The following TMEM38B variants were observed in gnomAD, a reference collection of about 807,000 sequenced individuals.
TMEM38B encodes trimeric intracellular cation channel type B.
TMEM38B carries 24 observed loss-of-function variants against 28.7 expected under a neutral mutation model. The ratio of observed to expected loss-of-function variants is 0.84; its 90% CI spans 0.61 to 1.18. The LOEUF (loss-of-function observed/expected upper bound fraction) is 1.18, where lower values mean the gene tolerates loss of function less well. TMEM38B is among the 50% of genes most tolerant of loss of function. TMEM38B has a pLI of 0.00. For missense variants in TMEM38B, 380 were observed against 350.9 expected, an observed-to-expected ratio of 1.08 and a Z score of -0.66; for synonymous variants, 131 against 127.7, an observed-to-expected ratio of 1.03 and a Z score of -0.17.
intron 2 of TMEM38B, among the ~76,000 whole-genome samples, chr9:105,718,961 G>A (rs1836216729): frequency 2.0e-5 from 3 of 152,138 alleles, no homozygotes; most frequent in Admixed American, 1.3e-4. Flanking sequence ...AGTGATAAGA[G>A]CAAGAACAAA....
At chr9:105,738,440 C>T in intron 4 of TMEM38B, among the ~76,000 whole-genome samples, 1 of 152,064 alleles carries the variant, frequency 6.6e-6, no homozygotes, top group East Asian at 1.9e-4. Flanking sequence ...TACTCCTTTG[C>T]TGCATTCTGG....
intron 5 of TMEM38B, chr9:105,760,060 G>T: frequency 8.9e-7 from 1 of 1,128,634 alleles, no homozygotes; most frequent in Non-Finnish European, 1.3e-6. Context: ...AGCTTCTTCT[G>T]TGTTGACTGG....
intron 2 of TMEM38B, among the ~76,000 whole-genome samples, chr9:105,718,478 T>A (rs1836195356): frequency 6.6e-6 from 1 of 152,190 alleles, no homozygotes; most frequent in African/African-American, 2.4e-5. Context: ...CACCTCGTGA[T>A]CCTCCCGCCT....
intron 2 of TMEM38B, among the ~76,000 whole-genome samples, chr9:105,705,985 C>T (rs1263617347): frequency 1.3e-5 from 2 of 151,260 alleles, no homozygotes; most frequent in Non-Finnish European, 2.9e-5. Flanking sequence ...ACTGCAACCT[C>T]CACCTCCTGG....
At chr9:105,746,305 TG>T (rs1837391079) in intron 4 of TMEM38B, among the ~76,000 whole-genome samples, 1 of 152,146 alleles carries the variant, frequency 6.6e-6, no homozygotes, top group African/African-American at 2.4e-5. Context: ...CCCTTATAAG[TG>T]GGATTCCTAG....
intron 4 of TMEM38B, among the ~76,000 whole-genome samples, chr9:105,741,183 C>T (rs1203072048): frequency 1.3e-5 from 2 of 152,214 alleles, no homozygotes; most frequent in Admixed American, 6.5e-5. Context: ...TTCTCTCCTA[C>T]TGACGCTGAT....
In TMEM38B at chr9:105,722,585, G is replaced by A; in HGVS notation, c.506G>A (p.Trp169Ter). 6.2e-7 allele frequency: 1 copy of A among 1,613,684 alleles called. No homozygotes were observed. The highest frequency in any genetic ancestry group is 1.3e-5 in the African/African-American group (1 of 75,008). Residue 169 changes from tryptophan to a stop codon, truncating the protein, a stop_gained, in exon 4 of 6, where the codon TGG becomes TAG. Transcript: ENST00000374692. LOFTEE classifies it high-confidence loss of function. ...TTTGAGAGGTTGGTAAAAGGAGATT[G>A]GAAACCAGAAGGTGATGAATGGCTG... ...TNFERLVKGD[W>*]KPEGDEWLKM...
At chr9:105,764,505 C>T (rs926057608) in intron 5 of TMEM38B, among the ~76,000 whole-genome samples, 9 of 152,106 alleles carry the variant, frequency 5.9e-5, no homozygotes, top group African/African-American at 2.2e-4. Flanking sequence ...GAATGAAATA[C>T]CTAGGAATCC....
At chr9:105,761,302 A>C (rs1205222608) in intron 5 of TMEM38B, among the ~76,000 whole-genome samples, 1 of 152,158 alleles carries the variant, frequency 6.6e-6, no homozygotes, top group African/African-American at 2.4e-5. Flanking sequence ...AAATATGTGT[A>C]TATTTTATCA....
At chr9:105,704,087 TA>T (rs1284554708) in intron 1 of TMEM38B, among the ~76,000 whole-genome samples, 37 of 62,640 alleles carry the variant, frequency 5.9e-4, no homozygotes, top group African/African-American at 2.3e-3. Context: ...TGTTGTGGGG[TA>T]GGGGGAGGGG....
intron 1 of TMEM38B, among the ~76,000 whole-genome samples, chr9:105,697,717 C>T (rs1341153120): frequency 6.6e-6 from 1 of 151,590 alleles, no homozygotes; most frequent in Non-Finnish European, 1.5e-5. Context: ...TTTATATTGT[C>T]TTTTATTGCA....
intron 5 of TMEM38B, chr9:105,759,152 C>G (rs1837943498): frequency 7.8e-6 from 6 of 768,834 alleles, no homozygotes; most frequent in Middle Eastern, 3.4e-4. Context: ...AAGATATATT[C>G]AGCACAATCA....
intron 4 of TMEM38B, among the ~76,000 whole-genome samples, chr9:105,743,416 A>T (rs185901060): frequency 6.6e-6 from 1 of 152,092 alleles, no homozygotes; most frequent in African/African-American, 2.4e-5. Context: ...GAACCTTTAG[A>T]TTTGTCCTGT....
At chr9:105,759,183 C>G in intron 5 of TMEM38B, 1 of 745,184 alleles carries the variant, frequency 1.3e-6, no homozygotes, top group Non-Finnish European at 2.5e-6. Context: ...TCTAGATCTC[C>G]TTGAACCTCT....
intron 5 of TMEM38B, among the ~76,000 whole-genome samples, chr9:105,767,455 A>G (rs1826413402): frequency 6.6e-6 from 1 of 152,210 alleles, no homozygotes; most frequent in Admixed American, 6.5e-5. Flanking sequence ...GTTTTATGAT[A>G]AAGTTGTCAC....
chr9:105,748,836 G>A (rs1339776944), intron 5 of TMEM38B, among the ~76,000 whole-genome samples: 1 of 152,240 alleles, frequency 6.6e-6, no homozygotes, highest in East Asian at 1.9e-4. Context: ...GTATCATGAG[G>A]CTAATTCTGA....
In TMEM38B at chr9:105,774,267, A is replaced by C. The variant is rs1826658236; in HGVS notation, c.*187A>C. On this transcript the variant is annotated 3_prime_UTR_variant, in exon 6 of 6. Transcript: ENST00000374692. ...TGGATTGTATTTGTAGAGTGTTACGAGTGTATCATGTGATTATGCTTTACC... is the reference window on the plus strand; with the variant it reads ...TGGATTGTATTTGTAGAGTGTTACGCGTGTATCATGTGATTATGCTTTACC... 3.6e-6 allele frequency: 2 copies of C among 560,542 alleles called. No homozygotes were observed. The highest frequency in any genetic ancestry group is 6.6e-5 in the Admixed American group (2 of 30,450). 34.7% of individuals were successfully genotyped at this position (560,542 alleles called of 1,614,324 possible). A position where few individuals can be genotyped will look rare whatever the true frequency, so the allele number is the denominator to read the frequency against.
intron 4 of TMEM38B, among the ~76,000 whole-genome samples, chr9:105,741,400 G>A (rs1441491275): frequency 6.6e-6 from 1 of 152,164 alleles, no homozygotes; most frequent in Non-Finnish European, 1.5e-5. Context: ...CATTTCTGGT[G>A]AGGGGTCCGA....
chr9:105,727,537 T>A (rs976476939), intron 4 of TMEM38B, among the ~76,000 whole-genome samples: 1 of 152,218 alleles, frequency 6.6e-6, no homozygotes. Flanking sequence ...TGGTTGAGCA[T>A]CCCAAATTCA....
Sources: allele counts gnomAD v4.1 joint callset (sites outside exome capture counted in the v4.1 genomes callset), GRCh38; gene constraint gnomAD v4.1.1; transcripts MANE v1.5; gene names NCBI Gene and HGNC (gene_info 2026-07-23, HGNC 2026-07-21).